Variants in SYCP2L observed in about 807,000 individuals in gnomAD.
The protein encoded by SYCP2L is synaptonemal complex protein 2 like.
A neutral mutation model predicts 125.8 loss-of-function variants in SYCP2L; 98 were observed. The observed-to-expected ratio is 0.78, with a 90% CI of 0.66 to 0.92. SYCP2L has a LOEUF of 0.92. Ranked by LOEUF, SYCP2L falls within the 40% of genes least tolerant of loss-of-function variation. SYCP2L has a pLI of 0.00. For missense variants in SYCP2L, 842 were observed against 936.4 expected, an observed-to-expected ratio of 0.90 and a Z score of 1.32; for synonymous variants, 317 against 325.4, an observed-to-expected ratio of 0.97 and a Z score of 0.28.
chr6:10,966,127 T>C (rs1006323987), intron 29 of SYCP2L, among the ~76,000 whole-genome samples: 7 of 150,010 alleles, frequency 4.7e-5, no homozygotes, highest in East Asian at 1.9e-4. Context: ...ATAATAATAA[T>C]AACAACAACA....
In SYCP2L at chr6:10,903,330, C is replaced by T. The variant is rs184284234; in HGVS notation, c.641+367C>T. On this transcript the variant is annotated intron_variant, in intron 8 of 29. Transcript: ENST00000283141. ...TTGGGAGGCCAAGGCGGGTGGATCA[C>T]GAGGTCAGGAGATCGAGACCATCCT... 4.6e-3 allele frequency among the ~76,000 whole-genome samples: 705 copies of T among 151,826 alleles called. 6 individuals are homozygous for T. Among genetic ancestry groups the T allele is most frequent in the African/African-American group, 0.016 (661 of 41,386 alleles).
At chr6:10,898,151 CATTGGT>C in intron 5 of SYCP2L, 36 bp downstream of exon 5, 1 of 1,417,712 alleles carries the variant, frequency 7.1e-7, no homozygotes, top group Non-Finnish European at 9.9e-7. Context: ...GAGCAGATGC[CATTGGT>C]AATTGGCAGG....
At chr6:10,932,446 G>T (rs890262872) in intron 20 of SYCP2L, among the ~76,000 whole-genome samples, 2 of 152,260 alleles carry the variant, frequency 1.3e-5, no homozygotes, top group East Asian at 3.9e-4. Context: ...ATAAGGAGTG[G>T]CTGCTGTGAT....
intron 4 of SYCP2L, among the ~76,000 whole-genome samples, chr6:10,897,442 C>T (rs1261273296): frequency 6.8e-6 from 1 of 147,250 alleles, no homozygotes; most frequent in Non-Finnish European, 1.5e-5. Context: ...TGGGGTCTCG[C>T]TCTGTTCCCC....
intron 10 of SYCP2L, among the ~76,000 whole-genome samples, chr6:10,908,341 G>A (rs1429562771): frequency 6.6e-6 from 1 of 152,196 alleles, no homozygotes; most frequent in Non-Finnish European, 1.5e-5. Flanking sequence ...GGCAGCTGCT[G>A]TGATGGCAGG....
chr6:10,941,076 T>C (rs577765368), intron 21 of SYCP2L, among the ~76,000 whole-genome samples: 4 of 152,322 alleles, frequency 2.6e-5, no homozygotes, highest in African/African-American at 9.6e-5. Context: ...TAATAAGTGG[T>C]GCTGGGAAAA....
intron 18 of SYCP2L, among the ~76,000 whole-genome samples, chr6:10,928,875 A>T (rs1437950565): frequency 2.7e-5 from 4 of 145,782 alleles, no homozygotes; most frequent in Non-Finnish European, 6.0e-5. Context: ...CCTCCTTGAG[A>T]TTGTTTTTGC....
chr6:10,945,400 G>T (rs1244107502), intron 23 of SYCP2L, among the ~76,000 whole-genome samples: 3 of 152,070 alleles, frequency 2.0e-5, no homozygotes, highest in East Asian at 3.9e-4. Context: ...AAAAACTTTC[G>T]CTATGATTGT....
At chr6:10,898,694 T>C (rs947577749) in intron 5 of SYCP2L, 130 bp from the exon 6 acceptor site, 5 of 685,462 alleles carry the variant, frequency 7.3e-6, no homozygotes, top group African/African-American at 1.8e-5. Flanking sequence ...ATAGGCTTTC[T>C]CTAAAATGCT....
chr6:10,912,714 C>T lies in SYCP2L; in HGVS notation c.960C>T (p.Ile320=), dbSNP rs372755931. 37 of 1,613,498 alleles carry T rather than the reference C, an allele frequency of 2.3e-5. No individual in the cohort carries two copies. The highest frequency in any genetic ancestry group is 1.3e-4 in the South Asian group (12 of 91,038). Residue 320 remains isoleucine, a synonymous_variant, in exon 13 of 30, where the codon ATC becomes ATT. Transcript: ENST00000283141. This position sits in a 1 kb window ranked among gnomAD's most constrained non-coding sequence, Gnocchi z 4.1. Reference sequence around the variant, plus strand: ...ATGAAAAATTAGAGAAATTTTGGATCGACTTCAACCTAGGAAGTCAGAGTG... The same window carrying T: ...ATGAAAAATTAGAGAAATTTTGGATTGACTTCAACCTAGGAAGTCAGAGTG... ...PADEKLEKFW[I]DFNLGSQSVT...
chr6:10,919,826 T>G (rs982749234), intron 14 of SYCP2L, among the ~76,000 whole-genome samples: 1 of 152,040 alleles, frequency 6.6e-6, no homozygotes, highest in Non-Finnish European at 1.5e-5. Flanking sequence ...CTGTCTCTGC[T>G]GAGTCATGCA....
At chr6:10,903,451 G>A (rs1333693429) in intron 8 of SYCP2L, among the ~76,000 whole-genome samples, 1 of 152,212 alleles carries the variant, frequency 6.6e-6, no homozygotes, top group African/African-American at 2.4e-5. Context: ...AGGAGGCTGA[G>A]GCAGGAGAAT....
At chr6:10,914,869 C>G (rs1175056886) in intron 14 of SYCP2L, among the ~76,000 whole-genome samples, 2 of 151,436 alleles carry the variant, frequency 1.3e-5, no homozygotes, top group Admixed American at 1.3e-4. Context: ...GCCTCAGCCT[C>G]CTGAGTAGCT....
At chr6:10,923,916 C>CCTCG (rs1780849375) in intron 14 of SYCP2L, among the ~76,000 whole-genome samples, 2 of 151,946 alleles carry the variant, frequency 1.3e-5, no homozygotes, top group African/African-American at 4.8e-5. Flanking sequence ...CATCTCCTGA[C>CCTCG]CTCGTGATCC....
rs1357896463 is a variant in SYCP2L, at chr6:10,907,204, C to A, written c.677-338C>A. 1.3e-5 allele frequency among the ~76,000 whole-genome samples: 2 copies of A among 152,044 alleles called. 1 individual carries two copies. Among genetic ancestry groups the A allele is most frequent in the East Asian group, 3.9e-4 (2 of 5,130 alleles). ...ACTAAAAACATAAAGATTAGGTAGGCATGATGACACATGCCTGTAATCCCA... is the reference window on the plus strand; with the variant it reads ...ACTAAAAACATAAAGATTAGGTAGGAATGATGACACATGCCTGTAATCCCA... On this transcript the variant is annotated intron_variant, in intron 9 of 29. Transcript: ENST00000283141.
At chr6:10,931,952 G>A (rs1332903860) in intron 20 of SYCP2L, among the ~76,000 whole-genome samples, 2 of 137,010 alleles carry the variant, frequency 1.5e-5, no homozygotes, top group Non-Finnish European at 1.5e-5. Context: ...GTGACAGAAT[G>A]AGACCGTGTC....
intron 29 of SYCP2L, among the ~76,000 whole-genome samples, chr6:10,965,870 TG>T (rs1183908982): frequency 6.6e-6 from 1 of 152,214 alleles, no homozygotes; most frequent in Non-Finnish European, 1.5e-5. Context: ...CCCAGCACTT[TG>T]GGAGGCCAAG....
At chr6:10,923,202 T>G (rs566464181) in intron 14 of SYCP2L, among the ~76,000 whole-genome samples, 7 of 152,068 alleles carry the variant, frequency 4.6e-5, no homozygotes, top group African/African-American at 1.7e-4. Flanking sequence ...TTTCCTGGAC[T>G]TTGCTGCCTT....
chr6:10,907,414 A>G, intron 9 of SYCP2L, 128 bp from the exon 10 acceptor site: 2 of 763,836 alleles, frequency 2.6e-6, no homozygotes, highest in Non-Finnish European at 4.0e-6. Context: ...TTGCTGTGGT[A>G]ACTTTTTAAG....
Sources: gnomAD v4.1 joint callset for allele counts (sites outside exome capture counted in the v4.1 genomes callset) on GRCh38, gnomAD v4.1.1 for gene constraint, Gnocchi (gnomAD v3.1) non-coding constraint, MANE v1.5 for transcripts, NCBI Gene and HGNC (gene_info 2026-07-23, HGNC 2026-07-21) for gene names.